Variants in CSPG5 observed in about 807,000 individuals in gnomAD.
CSPG5 encodes the protein acidic leucine-rich EGF-like domain-containing brain protein.
A neutral mutation model predicts 39.8 loss-of-function variants in CSPG5; 25 were observed. The ratio of observed to expected loss-of-function variants is 0.63; its 90% confidence interval spans 0.46 to 0.88. The LOEUF (loss-of-function observed/expected upper bound fraction) is 0.88. Ranked by LOEUF, CSPG5 falls within the 40% of genes least tolerant of loss-of-function variation. The pLI, the probability that CSPG5 is intolerant of heterozygous loss-of-function variation, is 0.00. For synonymous variants in CSPG5, 295 were observed against 303.9 expected, an observed-to-expected ratio of 0.97 and a Z score of 0.31; for missense variants, 627 against 702.2, an observed-to-expected ratio of 0.89 and a Z score of 1.21.
At chr3:47,566,284 G>A (rs1480069119) in intron 4 of CSPG5, among the ~76,000 whole-genome samples, 1 of 151,880 alleles carries the variant, frequency 6.6e-6, no homozygotes, top group Non-Finnish European at 1.5e-5. Flanking sequence ...GGAGAGAGGG[G>A]TGGGGAGAAG....
chr3:47,568,820 A>G (rs1475510850), intron 4 of CSPG5, among the ~76,000 whole-genome samples: 1 of 152,194 alleles, frequency 6.6e-6, no homozygotes, highest in East Asian at 1.9e-4. Flanking sequence ...GTTCGAGACC[A>G]GCCTGGGCAA....
chr3:47,571,378 C>T (rs1350633623), intron 3 of CSPG5, among the ~76,000 whole-genome samples: 1 of 152,188 alleles, frequency 6.6e-6, no homozygotes, highest in Non-Finnish European at 1.5e-5. Flanking sequence ...TCTCCACTGC[C>T]CTGGCTGTTG....
At chr3:47,563,710 C>G (rs945198878) in intron 4 of CSPG5, among the ~76,000 whole-genome samples, 1 of 152,068 alleles carries the variant, frequency 6.6e-6, no homozygotes. Flanking sequence ...CGCTCGTGAC[C>G]ATGCCCGGCT....
At chr3:47,570,755 C>T (rs916511934) in intron 3 of CSPG5, among the ~76,000 whole-genome samples, 4 of 151,674 alleles carry the variant, frequency 2.6e-5, no homozygotes, top group African/African-American at 7.3e-5. Flanking sequence ...ATCCACCCAT[C>T]GTGATCCACC....
chr3:47,567,391 T>C (rs1266063827), intron 4 of CSPG5, among the ~76,000 whole-genome samples: 1 of 152,218 alleles, frequency 6.6e-6, no homozygotes, highest in African/African-American at 2.4e-5. Context: ...TCACCGAGAC[T>C]CTGTCCTGCC....
Position 47,562,620 on chromosome 3 carries a change from GA to G in CSPG5, c.1599del (p.Leu534PhefsTer5). The G allele has an allele frequency of 6.2e-7, 1 of 1,612,656 alleles. No individual in the cohort carries two copies. The highest frequency in any genetic ancestry group is 8.5e-7 in the Non-Finnish European group (1 of 1,179,386). On this transcript the variant is annotated frameshift_variant, in exon 5 of 5. Transcript: ENST00000264723. LOFTEE classifies it high-confidence loss of function. ...KGDQADLDVN[C>X]LQNNLT Reference sequence around the variant, plus strand: ...CTGCTTTAGGTTAAATTATTCTGAAGACAGTTCACATCCAAGTCAGCCTGGT... The same window carrying G: ...CTGCTTTAGGTTAAATTATTCTGAAGCAGTTCACATCCAAGTCAGCCTGGT...
intron 3 of CSPG5, among the ~76,000 whole-genome samples, chr3:47,569,457 A>T (rs1376387295): frequency 6.6e-6 from 1 of 150,918 alleles, no homozygotes; most frequent in African/African-American, 2.4e-5. Flanking sequence ...TACAAAAATT[A>T]GCTGGGCGTG....
In CSPG5 at chr3:47,572,133, C is replaced by T. The variant is rs2031550888; in HGVS notation, c.1382+553G>A. On this transcript the variant is annotated intron_variant, in intron 3 of 4. Coordinates refer to ENST00000264723, the MANE Select transcript of CSPG5 (RefSeq NM_006574.4). This position sits in a 1 kb window ranked among gnomAD's most constrained non-coding sequence, Gnocchi z 4.5. ...AAAGAGGATTTTCTTAAGTTCCTTG[C>T]ACTTCTGATTGGACACAGGCTTGAC... 6.6e-6 allele frequency among the ~76,000 whole-genome samples: 1 copy of T among 152,192 alleles called. No individual in the cohort carries two copies. The highest frequency in any genetic ancestry group is 2.4e-5 in the African/African-American group (1 of 41,450).
rs2031842609 is a variant in CSPG5 at position 47,578,043 on chromosome 3, C to A, written c.98-115G>T. On this transcript the variant is annotated intron_variant, in intron 1 of 4. Transcript: ENST00000264723. The surrounding 1 kb of genome is among the most constrained non-coding windows in gnomAD (Gnocchi z 6.0). Reference sequence around the variant, plus strand: ...TAGACCTGGTCAACCCAGACCTCGCCACCCTCAGACCCCACCGCCCCAGTG... The same window carrying A: ...TAGACCTGGTCAACCCAGACCTCGCAACCCTCAGACCCCACCGCCCCAGTG... The A allele has an allele frequency of 7.6e-6, 10 of 1,313,588 alleles. No individual in the cohort carries two copies. Among genetic ancestry groups the A allele is most frequent in the Non-Finnish European group, 9.7e-6 (10 of 1,034,862 alleles). 81.4% of individuals were successfully genotyped at this position (1,313,588 alleles called of 1,614,324 possible). A position where few individuals can be genotyped will look rare whatever the true frequency, so the allele number is the denominator to read the frequency against.
Position 47,577,813 on chromosome 3 carries a change from A to ATCT in CSPG5, c.210_212dup (p.Glu70dup). The ATCT allele has an allele frequency of 6.3e-7, 1 of 1,576,754 alleles. No homozygotes were observed. Among genetic ancestry groups the ATCT allele is most frequent in the East Asian group, 2.3e-5 (1 of 42,720 alleles). Reference sequence around the variant, plus strand: ...CACCGGGCGCCGTCCACGACGCCTCATCTTCCCCAGCCGCTGGTGGGCCGG... The same window carrying ATCT: ...CACCGGGCGCCGTCCACGACGCCTCATCTTCTTCCCCAGCCGCTGGTGGGCCGG... On this transcript the variant is annotated inframe_insertion, in exon 2 of 5. Transcript: ENST00000264723. The surrounding 1 kb of genome is among the most constrained non-coding windows in gnomAD (Gnocchi z 4.7).
Position 47,578,659 on chromosome 3 carries a change from C to T in CSPG5, c.35G>A (p.Gly12Glu). The T allele has an allele frequency of 9.0e-7, 1 of 1,115,758 alleles. No homozygotes were observed. The highest frequency in any genetic ancestry group is 1.1e-6 in the Non-Finnish European group (1 of 910,674). 69.1% of individuals were successfully genotyped at this position (1,115,758 alleles called of 1,614,324 possible). A position where few individuals can be genotyped will look rare whatever the true frequency, so the allele number is the denominator to read the frequency against. Residue 12 changes from glycine to glutamate, a missense_variant, in exon 1 of 5, where the codon GGG becomes GAG. Gly to Glu is a moderately conservative substitution (Grantham distance 98, BLOSUM62 -2). Transcript: ENST00000264723. The surrounding 1 kb of genome is among the most constrained non-coding windows in gnomAD (Gnocchi z 6.0). The stretch of plus-strand genomic sequence containing the variant: ...CAGAAACAGCAGCAGTGGCGGCGGC[C>T]CCCGGCCCGGGCCCCCGCCCCCGGC... Reference protein sequence around the residue: ...GRAGGGGPGRGPPPLLLFLGA... With the variant: ...GRAGGGGPGREPPPLLLFLGA...
In CSPG5 at chr3:47,578,529, C is replaced by A. The variant is rs1450778198; in HGVS notation, c.97+68G>T. The A allele has an allele frequency of 4.0e-6, 2 of 501,650 alleles. No homozygotes were observed. The highest frequency in any genetic ancestry group is 9.0e-5 in the South Asian group (1 of 11,156). 31.1% of individuals were successfully genotyped at this position (501,650 alleles called of 1,614,324 possible). On this transcript the variant is annotated intron_variant, in intron 1 of 4. Transcript: ENST00000264723. The surrounding 1 kb of genome is among the most constrained non-coding windows in gnomAD (Gnocchi z 6.0). ...AGCTCACAGCTCCACCTGTCCCCGC[C>A]GCCAGCGGGACCCCTGCCCTGGGTG...
rs1458899127 is a variant in CSPG5 at position 47,569,158 on chromosome 3, G to T, written c.1452C>A (p.His484Gln). The T allele has an allele frequency of 6.2e-7, 1 of 1,611,136 alleles. No individual in the cohort carries two copies. The highest frequency in any genetic ancestry group is 1.3e-5 in the African/African-American group (1 of 74,616). ...FSLSTIAEGS[H>Q]PNDDPSAPHK... ...TGTTGCAAAGTTTCCTTACATTTGG[G>T]TGAGAGCCCTCGGCAATGGTGGAGA... The change falls in exon 4 of 5, where the codon CAC becomes CAA. Residue 484 changes from histidine to glutamine, a missense_variant. Coordinates refer to ENST00000264723, the MANE Select transcript of CSPG5 (RefSeq NM_006574.4).
At chr3:47,562,830 T>G in intron 4 of CSPG5, 69 bp from the exon 5 acceptor site, 1 of 1,425,118 alleles carries the variant, frequency 7.0e-7, no homozygotes. Context: ...TATCAGCGTT[T>G]TCTATCTGGT....
At position 47,569,167 on chromosome 3, in the gene CSPG5, C is replaced by T. The variant is rs201785326; in HGVS notation, c.1443G>A (p.Glu481=). 8.7e-6 allele frequency: 14 copies of T among 1,611,552 alleles called. No homozygotes were observed. The highest frequency in any genetic ancestry group is 1.1e-5 in the Non-Finnish European group (13 of 1,178,960). The change falls in exon 4 of 5, where the codon GAG becomes GAA. Residue 481 remains glutamate (E), a synonymous_variant. Transcript: ENST00000264723. ...GTTTCCTTACATTTGGGTGAGAGCCCTCGGCAATGGTGGAGAGGGAGAAGT... is the reference window on the plus strand; with the variant it reads ...GTTTCCTTACATTTGGGTGAGAGCCTTCGGCAATGGTGGAGAGGGAGAAGT... The part of the protein sequence containing the change: ...NDNFSLSTIA[E]GSHPNDDPSA...
At chr3:47,578,972 G>T (rs1475038852), upstream of CSPG5, 1 of 152,690 alleles carries the variant, frequency 6.5e-6, no homozygotes, top group Non-Finnish European at 1.5e-5. The surrounding 1 kb of genome is among the most constrained non-coding windows in gnomAD (Gnocchi z 6.0). Context: ...CCCTTGGTCA[G>T]CCTGCCAGGG....
rs2031886626 is a variant in CSPG5 at position 47,578,791 on chromosome 3, G to C, written c.-98C>G. On this transcript the variant is annotated 5_prime_UTR_variant, in exon 1 of 5. Transcript: ENST00000264723. The surrounding 1 kb of genome is among the most constrained non-coding windows in gnomAD (Gnocchi z 6.0). ...TCCCGCCGGTTCTGCGGCCGCCTCA[G>C]CCCACGATGGGCAGCGCGAGGAGCC... is the stretch of plus-strand genomic sequence containing the variant. 1 of 177,666 alleles carries C rather than the reference G, an allele frequency of 5.6e-6. No homozygotes were observed. The highest frequency in any genetic ancestry group is 1.1e-5 in the Non-Finnish European group (1 of 93,924). 11.0% of individuals were successfully genotyped at this position (177,666 alleles called of 1,614,324 possible).
At chr3:47,566,903 C>T (rs1282830395) in intron 4 of CSPG5, among the ~76,000 whole-genome samples, 5 of 152,178 alleles carry the variant, frequency 3.3e-5, no homozygotes, top group Non-Finnish European at 7.3e-5. Flanking sequence ...ACACCGTGGC[C>T]GACCACCACC....
chr3:47,566,458 C>T (rs138272060), intron 4 of CSPG5, among the ~76,000 whole-genome samples: 560 of 152,292 alleles, frequency 3.7e-3, no homozygotes, highest in Non-Finnish European at 5.7e-3. Flanking sequence ...CCGTGTTCAT[C>T]GGCAATGCCC....
Sources: allele counts gnomAD v4.1 joint callset (sites outside exome capture counted in the v4.1 genomes callset), GRCh38; gene constraint gnomAD v4.1.1; non-coding constraint Gnocchi (gnomAD v3.1); transcripts MANE v1.5; gene names NCBI Gene and HGNC (gene_info 2026-07-23, HGNC 2026-07-21).